Variants in DLG2 observed in about 807,000 individuals in gnomAD.
The protein encoded by DLG2 is discs large MAGUK scaffold protein 2.
DLG2 carries 45 observed loss-of-function variants against 132.5 expected under a neutral mutation model. The ratio of observed to expected loss-of-function variants is 0.34; its 90% CI spans 0.27 to 0.44. The LOEUF (loss-of-function observed/expected upper bound fraction) is 0.44, where lower values mean the gene tolerates loss of function less well. Among genes scored for constraint, DLG2 ranks in the 20% least tolerant of loss-of-function variants. The probability of loss-of-function intolerance (pLI) is 1.00; values close to 1 mark genes in which losing one functional copy is unlikely to be tolerated. For missense variants in DLG2, 1,045 were observed against 1,196.9 expected, an observed-to-expected ratio of 0.87 and a Z score of 1.87; for synonymous variants, 424 against 419.6, an observed-to-expected ratio of 1.01 and a Z score of -0.13.
intron 6 of DLG2, among the ~76,000 whole-genome samples, chr11:84,620,317 T>A (rs2099611700): frequency 6.6e-6 from 1 of 151,950 alleles, no homozygotes; most frequent in Non-Finnish European, 1.5e-5. Flanking sequence ...ACCAGACTCA[T>A]TAAATACTTA....
chr11:85,591,181 C>T (rs1322272919), intron 3 of DLG2, among the ~76,000 whole-genome samples: 1 of 152,166 alleles, frequency 6.6e-6, no homozygotes, highest in Non-Finnish European at 1.5e-5. Context: ...AAACACACAA[C>T]TAATCACACT....
In DLG2 at chr11:83,963,130, G is replaced by C. The variant is rs949960693; in HGVS notation, c.1202-107C>G. 6.5e-5 allele frequency: 83 copies of C among 1,285,820 alleles called. 1 individual carries two copies. In the South Asian group the frequency reaches 1.1e-3, roughly 18 times the overall value. The allele number at this position is 1,285,820 out of a possible 1,614,324, so 79.7% of individuals were successfully genotyped here. On this transcript the variant is annotated intron_variant, in intron 13 of 27. Coordinates refer to ENST00000376104, the MANE Select transcript of DLG2 (RefSeq NM_001142699.3). ...TAAAAACAGAAAGGCTTTGCTGCAT[G>C]CCAAGGTTTTTCTTGTCCTCCCAGA...
intron 6 of DLG2, among the ~76,000 whole-genome samples, chr11:85,064,467 T>A (rs1297933067): frequency 6.6e-6 from 1 of 151,758 alleles, no homozygotes; most frequent in East Asian, 1.9e-4. Flanking sequence ...ACTCTGACAC[T>A]TTTCTATACC....
At chr11:83,690,479 C>T (rs1049553204) in intron 18 of DLG2, among the ~76,000 whole-genome samples, 2 of 151,932 alleles carry the variant, frequency 1.3e-5, no homozygotes, top group African/African-American at 2.4e-5. Context: ...GGCTCTCCCC[C>T]CTCAAAGGTC....
intron 18 of DLG2, among the ~76,000 whole-genome samples, chr11:83,773,055 T>C (rs757077427): frequency 5.0e-4 from 76 of 152,346 alleles, no homozygotes; most frequent in Admixed American, 1.7e-3. Context: ...TCTCAAAATA[T>C]GATTAGCAAA....
At chr11:85,429,698 T>C (rs936784475) in intron 3 of DLG2, among the ~76,000 whole-genome samples, 48 of 152,196 alleles carry the variant, frequency 3.2e-4, no homozygotes, top group African/African-American at 1.1e-3. Flanking sequence ...CATTAAAAAG[T>C]CAGGAAACAA....
At chr11:83,616,675 T>A (rs1308655974) in intron 19 of DLG2, among the ~76,000 whole-genome samples, 3 of 152,208 alleles carry the variant, frequency 2.0e-5, no homozygotes, top group Non-Finnish European at 4.4e-5. Context: ...AATATTTTCC[T>A]TTGTGATTAG....
At chr11:83,606,114 A>G (rs541913956) in intron 19 of DLG2, among the ~76,000 whole-genome samples, 3 of 152,224 alleles carry the variant, frequency 2.0e-5, no homozygotes, top group African/African-American at 4.8e-5. Flanking sequence ...ACTTAAAAAC[A>G]TAAATTATCT....
chr11:84,286,111 T>C (rs2097907426), intron 7 of DLG2, among the ~76,000 whole-genome samples: 1 of 152,214 alleles, frequency 6.6e-6, no homozygotes, highest in South Asian at 2.1e-4. Context: ...ATCCTTTTAC[T>C]GCCATTACCA....
At chr11:84,994,834 A>G (rs910774459) in intron 6 of DLG2, among the ~76,000 whole-genome samples, 1 of 152,190 alleles carries the variant, frequency 6.6e-6, no homozygotes, top group Admixed American at 6.5e-5. Flanking sequence ...TTTCCTGGAA[A>G]CAAGCTTGTT....
intron 7 of DLG2, among the ~76,000 whole-genome samples, chr11:84,416,121 C>A (rs1342246217): frequency 6.6e-6 from 1 of 152,134 alleles, no homozygotes; most frequent in African/African-American, 2.4e-5. Context: ...ATTTTGTGCT[C>A]CAGCCTTGAT....
At chr11:85,453,337 C>A in intron 3 of DLG2, 1 of 239,444 alleles carries the variant, frequency 4.2e-6, no homozygotes, top group South Asian at 7.5e-5. Context: ...TTAGTGTAGC[C>A]CTATTGAGTC....
At chr11:85,106,117 A>G (rs2071709044) in intron 6 of DLG2, among the ~76,000 whole-genome samples, 1 of 152,118 alleles carries the variant, frequency 6.6e-6, no homozygotes, top group Admixed American at 6.6e-5. Context: ...AGCATGCTGG[A>G]ACAATTAACA....
At chr11:84,329,430 G>A (rs2098448504) in intron 7 of DLG2, among the ~76,000 whole-genome samples, 2 of 152,300 alleles carry the variant, frequency 1.3e-5, no homozygotes, top group South Asian at 2.1e-4. Context: ...CCCTGTGATA[G>A]TGTGTGAGTT....
Position 84,901,038 on chromosome 11 carries a change from CAAAAT to C in DLG2, c.357+210618_357+210622del, listed in dbSNP as rs1442583684. On this transcript the variant is annotated intron_variant, in intron 6 of 27. Transcript: ENST00000376104. Reference sequence around the variant, plus strand: ...GCGAGTCCATATGTAAATTAGCTAACAAAATAAAAGGTAGAATAAAATGTTTTTAA... The same window carrying C: ...GCGAGTCCATATGTAAATTAGCTAACAAAAGGTAGAATAAAATGTTTTTAA... Among the ~76,000 whole-genome samples, 3 of 151,592 alleles carry C rather than the reference CAAAAT, an allele frequency of 2.0e-5. No homozygotes were observed. The East Asian group carries it at 5.8e-4, about 29-fold the overall frequency.
At chr11:84,741,005 T>C (rs2064549910) in intron 6 of DLG2, among the ~76,000 whole-genome samples, 1 of 148,420 alleles carries the variant, frequency 6.7e-6, no homozygotes, top group African/African-American at 2.5e-5. Flanking sequence ...CCCCATGGAC[T>C]ACGCATGGCA....
At chr11:83,484,424 A>G (rs544087988) in intron 21 of DLG2, among the ~76,000 whole-genome samples, 196 bp from the exon 22 acceptor site, 1 of 152,252 alleles carries the variant, frequency 6.6e-6, no homozygotes, top group South Asian at 2.1e-4. Context: ...GGCACCTTGG[A>G]AAAATTGTCT....
intron 6 of DLG2, among the ~76,000 whole-genome samples, chr11:84,711,031 T>TAGAGAG (rs55655744): frequency 8.0e-6 from 1 of 124,830 alleles, no homozygotes; most frequent in Admixed American, 7.8e-5. Context: ...TATATATATA[T>TAGAGAG]AGAGCTGAAA....
upstream of DLG2, among the ~76,000 whole-genome samples, chr11:85,628,129 CGGCGCTG>C (rs1247496898): frequency 6.6e-6 from 1 of 152,150 alleles, no homozygotes; most frequent in African/African-American, 2.4e-5. Context: ...GCTGCTCTGA[CGGCGCTG>C]GGCGGCTGGT....
Sources: allele counts gnomAD v4.1 joint callset (sites outside exome capture counted in the v4.1 genomes callset), GRCh38; gene constraint gnomAD v4.1.1; transcripts MANE v1.5; gene names NCBI Gene and HGNC (gene_info 2026-07-23, HGNC 2026-07-21).